The following SPAG16 variants were observed in gnomAD, a reference collection of about 807,000 sequenced individuals.
SPAG16 encodes sperm associated antigen 16, also known as sperm-associated antigen 16 protein.
In SPAG16, 86 loss-of-function variants were observed where a neutral mutation model predicts 80.4. The ratio of observed to expected loss-of-function variants is 1.07; its 90% CI spans 0.90 to 1.28. The LOEUF is 1.28. Among genes scored for constraint, SPAG16 ranks in the 50% most tolerant of loss-of-function variants. SPAG16 has a pLI of 0.00. For missense variants in SPAG16, 870 were observed against 765.3 expected, an observed-to-expected ratio of 1.14 and a Z score of -1.61; for synonymous variants, 294 against 265.9, an observed-to-expected ratio of 1.11 and a Z score of -1.03.
chr2:213,628,282 A>C (rs552465805), intron 10 of SPAG16, among the ~76,000 whole-genome samples: 3 of 152,234 alleles, frequency 2.0e-5, no homozygotes, highest in Admixed American at 2.0e-4. Context: ...CCAGTTTCAC[A>C]AATAGTACCA....
chr2:213,441,650 G>A (rs1305125471), intron 9 of SPAG16, among the ~76,000 whole-genome samples: 2 of 152,280 alleles, frequency 1.3e-5, no homozygotes, highest in East Asian at 1.9e-4. Context: ...TCAATAAAAT[G>A]TTGAATTTAC....
intron 9 of SPAG16, among the ~76,000 whole-genome samples, chr2:213,387,664 C>T (rs969821817): frequency 1.5e-4 from 22 of 150,720 alleles, no homozygotes; most frequent in Admixed American, 4.6e-4. Context: ...CCATTTTGGC[C>T]GGGATGGTCT....
rs548910860 is a variant in SPAG16, at chr2:213,476,634, C to A, written c.943-13329C>A. 3.3e-5 allele frequency among the ~76,000 whole-genome samples: 5 copies of A among 152,266 alleles called. 1 individual carries two copies. In the East Asian group the frequency reaches 9.6e-4, roughly 29 times the overall value. ...CAAACTTTAATTGATCCTGGATGAA[C>A]CCCCAGAAATGTTGTGGCATTTTTG... On this transcript the variant is annotated intron_variant, in intron 9 of 15. Transcript: ENST00000331683.
chr2:213,473,791 G>A (rs1411396652), intron 9 of SPAG16, among the ~76,000 whole-genome samples: 1 of 152,072 alleles, frequency 6.6e-6, no homozygotes, highest in Non-Finnish European at 1.5e-5. Context: ...CCAGATTTCT[G>A]TTTATATAAA....
At chr2:213,476,173 T>C (rs1416123996) in intron 9 of SPAG16, among the ~76,000 whole-genome samples, 1 of 152,166 alleles carries the variant, frequency 6.6e-6, no homozygotes, top group Non-Finnish European at 1.5e-5. Context: ...TGTAACATTG[T>C]ATATAAAGAA....
intron 12 of SPAG16, among the ~76,000 whole-genome samples, chr2:213,953,115 T>C (rs2043938110): frequency 6.6e-6 from 1 of 152,018 alleles, no homozygotes; most frequent in Non-Finnish European, 1.5e-5. Context: ...AAGGACACTA[T>C]GAAGAATCAG....
At chr2:213,315,975 T>C (rs906684875) in intron 4 of SPAG16, among the ~76,000 whole-genome samples, 3 of 152,004 alleles carry the variant, frequency 2.0e-5, no homozygotes, top group Admixed American at 2.0e-4. Context: ...CTTTCTTTAC[T>C]TTCATTTCCC....
intron 10 of SPAG16, among the ~76,000 whole-genome samples, chr2:213,576,447 A>G (rs1460721099): frequency 6.6e-6 from 1 of 152,176 alleles, no homozygotes; most frequent in Non-Finnish European, 1.5e-5. Flanking sequence ...CAGAAATAAC[A>G]TTTGACCCAG....
At chr2:213,725,322 C>T (rs1054867471) in intron 10 of SPAG16, among the ~76,000 whole-genome samples, 10 of 152,180 alleles carry the variant, frequency 6.6e-5, no homozygotes, top group African/African-American at 2.4e-4. Context: ...CTGCACTGAG[C>T]CAACTCTCTG....
At chr2:213,684,458 T>C (rs6435786) in intron 10 of SPAG16, among the ~76,000 whole-genome samples, 51,383 of 152,052 alleles carry the variant, frequency 0.34, 8,941 homozygotes, top group Middle Eastern at 0.45. Flanking sequence ...TGAAGACCAT[T>C]CCAGAATTGA....
intron 12 of SPAG16, among the ~76,000 whole-genome samples, chr2:213,956,486 C>CA (rs2044148267): frequency 7.1e-6 from 1 of 140,266 alleles, no homozygotes; most frequent in African/African-American, 2.7e-5. Context: ...CTCACTCTGT[C>CA]ACCCAGGCTG....
At chr2:213,887,010 G>A (rs1160687537) in intron 11 of SPAG16, among the ~76,000 whole-genome samples, 1 of 151,952 alleles carries the variant, frequency 6.6e-6, no homozygotes, top group African/African-American at 2.4e-5. Context: ...TGAAATATAA[G>A]ATTTTTTTTC....
chr2:214,276,551 C>T (rs79456468), intron 15 of SPAG16, among the ~76,000 whole-genome samples: 62,884 of 151,768 alleles, frequency 0.41, 15,118 homozygotes, highest in South Asian at 0.57. Flanking sequence ...ACTTCACTTA[C>T]GATGCTTAGT....
intron 11 of SPAG16, among the ~76,000 whole-genome samples, chr2:213,922,825 A>G (rs2106214766): frequency 6.6e-6 from 1 of 152,008 alleles, no homozygotes; most frequent in East Asian, 1.9e-4. Context: ...TACTGTCTGC[A>G]TGCCCGCATT....
At chr2:213,608,084 T>C (rs1170902852) in intron 10 of SPAG16, among the ~76,000 whole-genome samples, 8 of 152,126 alleles carry the variant, frequency 5.3e-5, no homozygotes, top group Admixed American at 4.6e-4. Flanking sequence ...CTCTTTCTGG[T>C]TTTGTTTTTT....
At chr2:213,334,990 G>A (rs2064280066) in intron 5 of SPAG16, among the ~76,000 whole-genome samples, 1 of 152,116 alleles carries the variant, frequency 6.6e-6, no homozygotes, top group Non-Finnish European at 1.5e-5. Context: ...TGAGGGGATG[G>A]ATGCTCTATT....
At chr2:214,302,454 G>T (rs1416736013) in intron 15 of SPAG16, among the ~76,000 whole-genome samples, 1 of 152,072 alleles carries the variant, frequency 6.6e-6, no homozygotes, top group Non-Finnish European at 1.5e-5. Flanking sequence ...TGTAGGGCTA[G>T]TGTAATAGTA....
chr2:214,278,231 C>T (rs546931922), intron 15 of SPAG16, among the ~76,000 whole-genome samples: 2 of 152,282 alleles, frequency 1.3e-5, no homozygotes, highest in Non-Finnish European at 2.9e-5. Context: ...CATGGCTTAC[C>T]TTGGCTAGGA....
At chr2:213,887,622 T>C (rs866383565) in intron 11 of SPAG16, among the ~76,000 whole-genome samples, 1 of 151,820 alleles carries the variant, frequency 6.6e-6, no homozygotes, top group South Asian at 2.1e-4. Context: ...ATTTACCTTT[T>C]TTCAGGTGAA....
Sources: allele counts gnomAD v4.1 joint callset (sites outside exome capture counted in the v4.1 genomes callset), GRCh38; gene constraint gnomAD v4.1.1; transcripts MANE v1.5; gene names NCBI Gene and HGNC (gene_info 2026-07-23, HGNC 2026-07-21).